The following SLC8A1 variants were observed in gnomAD, a reference collection of about 807,000 sequenced individuals.
SLC8A1 encodes solute carrier family 8 member A1.
Under a neutral mutation model 68.3 loss-of-function variants are expected in SLC8A1, and 18 were observed. The ratio of observed to expected loss-of-function variants is 0.26; its 90% confidence interval spans 0.18 to 0.39. SLC8A1 has a LOEUF of 0.39. Ranked by LOEUF, SLC8A1 falls within the 10% of genes least tolerant of loss-of-function variation. SLC8A1 has a pLI of 1.00. For synonymous variants in SLC8A1, 475 were observed against 415.5 expected (o/e 1.14, Z -1.74); for missense variants, 985 against 1,156.7 (o/e 0.85, Z 2.15).
At chr2:40,255,401 CTCA>C (rs2063746543) in intron 2 of SLC8A1, among the ~76,000 whole-genome samples, 1 of 152,132 alleles carries the variant, frequency 6.6e-6, no homozygotes, top group Non-Finnish European at 1.5e-5. Flanking sequence ...ACTATCATCT[CTCA>C]TCATGTATAT....
intron 1 of SLC8A1, among the ~76,000 whole-genome samples, chr2:40,500,897 T>G (rs1419398311): frequency 7.1e-6 from 1 of 141,612 alleles, no homozygotes; most frequent in East Asian, 2.3e-4. Flanking sequence ...AACTAGATCA[T>G]TTATTTCTCA....
chr2:40,204,902 G>A (rs1467114156), intron 2 of SLC8A1, among the ~76,000 whole-genome samples: 1 of 151,774 alleles, frequency 6.6e-6, no homozygotes, highest in Non-Finnish European at 1.5e-5. Flanking sequence ...TAATAGCTAC[G>A]TATGACTAGT....
At chr2:40,416,407 G>T (rs1693893972) in intron 2 of SLC8A1, among the ~76,000 whole-genome samples, 1 of 151,964 alleles carries the variant, frequency 6.6e-6, no homozygotes, top group Admixed American at 6.6e-5. Flanking sequence ...CTTTCAAAAT[G>T]TTTCTTTTTG....
intron 1 of SLC8A1, among the ~76,000 whole-genome samples, chr2:40,477,941 T>A (rs897868334): frequency 6.6e-6 from 1 of 152,188 alleles, no homozygotes; most frequent in East Asian, 1.9e-4. Context: ...CAGATGACCA[T>A]AATGTATCAA....
chr2:40,150,238 G>A (rs373938706), intron 6 of SLC8A1, among the ~76,000 whole-genome samples: 1 of 152,124 alleles, frequency 6.6e-6, no homozygotes, highest in Non-Finnish European at 1.5e-5. Flanking sequence ...TGGTTCACGC[G>A]AGTGGCTTTT....
At chr2:40,298,908 G>A (rs142386172) in intron 2 of SLC8A1, among the ~76,000 whole-genome samples, 15 of 152,172 alleles carry the variant, frequency 9.9e-5, no homozygotes, top group African/African-American at 1.9e-4. Flanking sequence ...TTATCAATTC[G>A]CCTTCCCCTC....
exon 2 of SLC8A1, chr2:40,429,345 C>A: frequency 6.2e-7 from 1 of 1,613,862 alleles, no homozygotes; most frequent in South Asian, 1.1e-5. Context: ...CCCTCTCATC[C>A]ACCTCCAGAA....
At chr2:40,393,115 C>G (rs1685844598) in intron 2 of SLC8A1, among the ~76,000 whole-genome samples, 1 of 152,030 alleles carries the variant, frequency 6.6e-6, no homozygotes. Flanking sequence ...ACTGTCTAAT[C>G]TATTTTATAG....
chr2:40,194,469 A>AT (rs1553402207), intron 2 of SLC8A1, among the ~76,000 whole-genome samples: 1 of 137,444 alleles, frequency 7.3e-6, no homozygotes, highest in African/African-American at 2.7e-5. Context: ...TCAGTAAGCA[A>AT]TGTGTGTGTG....
At chr2:40,328,788 T>C (rs1391406048) in intron 2 of SLC8A1, among the ~76,000 whole-genome samples, 3 of 152,118 alleles carry the variant, frequency 2.0e-5, no homozygotes, top group African/African-American at 7.2e-5. Flanking sequence ...CCTCCTATTG[T>C]AGGTGATCAA....
At chr2:40,268,137 A>C (rs1476042529) in intron 2 of SLC8A1, among the ~76,000 whole-genome samples, 1 of 152,196 alleles carries the variant, frequency 6.6e-6, no homozygotes, top group Non-Finnish European at 1.5e-5. Flanking sequence ...GACTTTCTCC[A>C]CAGTGAAGAG....
intron 2 of SLC8A1, among the ~76,000 whole-genome samples, chr2:40,398,452 C>A (rs1238949255): frequency 6.6e-6 from 1 of 152,148 alleles, no homozygotes. Flanking sequence ...TAAAGAATTA[C>A]AATAGCAATA....
At chr2:40,101,860 G>C (rs2033911557) in exon 8 of SLC8A1, 1 of 151,880 alleles carries the variant, frequency 6.6e-6, no homozygotes, top group Non-Finnish European at 1.5e-5. Flanking sequence ...TTGATTCATA[G>C]ATCTGGGCTG....
At chr2:40,347,554 C>G (rs1669740208) in intron 2 of SLC8A1, among the ~76,000 whole-genome samples, 1 of 152,148 alleles carries the variant, frequency 6.6e-6, no homozygotes, top group Admixed American at 6.6e-5. Context: ...GCAAAATAAG[C>G]ATAATACCCA....
At chr2:40,226,337 G>A (rs1198500985) in intron 2 of SLC8A1, among the ~76,000 whole-genome samples, 2 of 152,158 alleles carry the variant, frequency 1.3e-5, no homozygotes, top group Non-Finnish European at 2.9e-5. Context: ...TGCATGGCAT[G>A]TATATTCATT....
At chr2:40,143,672 T>C (rs146815708) in intron 6 of SLC8A1, among the ~76,000 whole-genome samples, 1 of 152,338 alleles carries the variant, frequency 6.6e-6, no homozygotes, top group East Asian at 1.9e-4. Flanking sequence ...CAGCTATTGA[T>C]GTAACAGTAC....
At chr2:40,364,620 G>A (rs919789445) in intron 2 of SLC8A1, among the ~76,000 whole-genome samples, 3 of 151,212 alleles carry the variant, frequency 2.0e-5, no homozygotes, top group African/African-American at 7.3e-5. Flanking sequence ...GATTCCTTTT[G>A]TTCGGCAGAT....
intron 1 of SLC8A1, among the ~76,000 whole-genome samples, chr2:40,491,357 T>C (rs1323986038): frequency 1.1e-4 from 16 of 152,156 alleles, no homozygotes; most frequent in Non-Finnish European, 2.2e-4. Flanking sequence ...TTTGCTGAAG[T>C]TGCTTATCAG....
At position 40,419,264 on chromosome 2, in the gene SLC8A1, C is replaced by T. The variant is rs183396454; in HGVS notation, c.1808+9209G>A. Reference sequence around the variant, plus strand: ...CTGGCTTCTCAAACACACTCAGGCACGTACACTTGATTTCAAGGACAAAGT... The same window carrying T: ...CTGGCTTCTCAAACACACTCAGGCATGTACACTTGATTTCAAGGACAAAGT... On this transcript the variant is annotated intron_variant, in intron 2 of 7. Transcript: ENST00000406785. 6.6e-5 allele frequency among the ~76,000 whole-genome samples: 10 copies of T among 152,262 alleles called. No homozygotes were observed. The East Asian group carries it at 1.4e-3, about 21-fold the overall frequency.
Sources: gnomAD v4.1 joint callset for allele counts (sites outside exome capture counted in the v4.1 genomes callset) on GRCh38, gnomAD v4.1.1 for gene constraint, MANE v1.5 for transcripts, NCBI Gene and HGNC (gene_info 2026-07-23, HGNC 2026-07-21) for gene names.